ANP32B: variants seen among roughly 807,000 people sequenced by gnomAD.
The protein encoded by ANP32B is acidic nuclear phosphoprotein 32 family member B.
A neutral mutation model predicts 32.2 loss-of-function variants in ANP32B; 6 were observed. The observed-to-expected ratio is 0.19, with a 90% CI of 0.10 to 0.37. ANP32B has a LOEUF of 0.37. ANP32B is among the 10% of genes least tolerant of loss of function. The pLI, the probability that ANP32B is intolerant of heterozygous loss-of-function variation, is 1.00. For missense variants in ANP32B, 204 were observed against 289.2 expected (o/e 0.71, Z 2.14); for synonymous variants, 98 against 105.8 (o/e 0.93, Z 0.45).
intron 3 of ANP32B, among the ~76,000 whole-genome samples, chr9:97,999,577 G>T (rs1827956930): frequency 6.6e-6 from 1 of 152,210 alleles, no homozygotes; most frequent in African/African-American, 2.4e-5. Flanking sequence ...TTGTAGACTT[G>T]ATGTGTGACC....
rs550541762 is a variant in ANP32B at position 97,988,307 on chromosome 9, TC to T, written c.54+4700del. 1.6e-3 allele frequency among the ~76,000 whole-genome samples: 239 copies of T among 152,320 alleles called. 2 individuals are homozygous for T. Among genetic ancestry groups the T allele is most frequent in the South Asian group, 0.011 (51 of 4,826 alleles). On this transcript the variant is annotated intron_variant, in intron 1 of 6. Transcript: ENST00000339399. ...AGCATCTTATAATGTGATTTTTTTTTCCATCTGCCAGATTGCTTTTCAGAAT... is the reference window on the plus strand; with the variant it reads ...AGCATCTTATAATGTGATTTTTTTTTCATCTGCCAGATTGCTTTTCAGAAT...
intron 4 of ANP32B, among the ~76,000 whole-genome samples, chr9:98,010,502 T>TCA (rs1444995761): frequency 3.3e-5 from 5 of 152,128 alleles, no homozygotes; most frequent in Admixed American, 6.5e-5. Flanking sequence ...CACCACATAC[T>TCA]CATGGTGAGA....
chr9:98,005,136 A>G lies in ANP32B; in HGVS notation c.500A>G (p.Glu167Gly), dbSNP rs2131589162. 6.2e-7 allele frequency: 1 copy of G among 1,613,520 alleles called. No homozygotes were observed. Among genetic ancestry groups the G allele is most frequent in the Non-Finnish European group, 8.5e-7 (1 of 1,179,820 alleles). ...GATGCCGAGGTGGATGGTGTGGATG[A>G]AGAGGAGGAGGACGAAGGTGAGTAG... ...DSDAEVDGVD[E>G]EEEDEEGEDE... Residue 167 changes from glutamate (E) to glycine (G), a missense_variant, in exon 4 of 7, where the codon GAA becomes GGA. Glu to Gly is a moderately conservative substitution (Grantham distance 98, BLOSUM62 -2). Coordinates refer to ENST00000339399, the MANE Select transcript of ANP32B (RefSeq NM_006401.3).
At chr9:98,012,308 T>C in intron 5 of ANP32B, 113 bp from the exon 6 acceptor site, 2 of 1,217,838 alleles carry the variant, frequency 1.6e-6, no homozygotes, top group Non-Finnish European at 2.3e-6. Flanking sequence ...AGTTTCCTGC[T>C]TGATTGATAT....
At chr9:97,984,880 C>G (rs1278700057) in intron 1 of ANP32B, among the ~76,000 whole-genome samples, 1 of 150,496 alleles carries the variant, frequency 6.6e-6, no homozygotes, top group Non-Finnish European at 1.5e-5. Context: ...CGGCTCGGCT[C>G]GTGGGCCGGG....
At chr9:97,988,017 A>G (rs1413337535) in intron 1 of ANP32B, among the ~76,000 whole-genome samples, 5 of 152,238 alleles carry the variant, frequency 3.3e-5, no homozygotes, top group African/African-American at 1.2e-4. Context: ...GAAGATAGAC[A>G]TCATACATGC....
intron 6 of ANP32B, 91 bp downstream of exon 6, chr9:98,012,563 T>TAA: frequency 6.5e-7 from 1 of 1,543,588 alleles, no homozygotes; most frequent in African/African-American, 1.4e-5. Flanking sequence ...GAGAAGAAAA[T>TAA]AAAATACTCT....
intron 1 of ANP32B, among the ~76,000 whole-genome samples, chr9:97,985,156 C>T (rs926535927): frequency 8.6e-5 from 13 of 151,672 alleles, no homozygotes; most frequent in African/African-American, 2.9e-4. Context: ...AGGGCGGCCC[C>T]GCGGGGCCTC....
At chr9:97,996,282 T>C (rs1334571506) in intron 2 of ANP32B, among the ~76,000 whole-genome samples, 1 of 152,210 alleles carries the variant, frequency 6.6e-6, no homozygotes, top group Non-Finnish European at 1.5e-5. Flanking sequence ...CCCAAATTAC[T>C]GTTGGTCTCT....
intron 2 of ANP32B, among the ~76,000 whole-genome samples, chr9:97,995,961 A>G (rs932912640): frequency 1.3e-5 from 2 of 151,050 alleles, no homozygotes; most frequent in African/African-American, 2.4e-5. Flanking sequence ...AGTATAATAC[A>G]TGAATTAAAA....
intron 6 of ANP32B, among the ~76,000 whole-genome samples, chr9:98,012,868 C>G (rs1828211820): frequency 1.3e-5 from 2 of 151,974 alleles, no homozygotes; most frequent in Non-Finnish European, 2.9e-5. Context: ...GTAGCTGGGG[C>G]TACAGGCGCC....
chr9:97,986,861 A>C (rs1045520291), intron 1 of ANP32B: 1 of 152,248 alleles, frequency 6.6e-6, no homozygotes, highest in Non-Finnish European at 1.5e-5. Context: ...ATGATTTTAA[A>C]GTCAAGTGAG....
At chr9:97,989,947 A>G (rs1466617959) in intron 1 of ANP32B, among the ~76,000 whole-genome samples, 1 of 152,224 alleles carries the variant, frequency 6.6e-6, no homozygotes, top group Non-Finnish European at 1.5e-5. Context: ...GGCTGACATA[A>G]ATTCTCCCTT....
chr9:98,004,337 G>A (rs1298038538), intron 3 of ANP32B, among the ~76,000 whole-genome samples: 1 of 152,132 alleles, frequency 6.6e-6, no homozygotes, highest in Non-Finnish European at 1.5e-5. Flanking sequence ...TACTAAAAAA[G>A]AAGAGTGCAA....
At position 97,998,660 on chromosome 9, in the gene ANP32B, C is replaced by T. The variant is rs535530800; in HGVS notation, c.309C>T (p.Ile103=). The change falls in exon 3 of 7, where the codon ATC becomes ATT. Residue 103 remains isoleucine, a synonymous_variant. Transcript: ENST00000339399. ...LNLSGNKLKD[I]STLEPLKKLE... ...TAAGTGGAAATAAACTGAAAGATAT[C>T]AGCACCTTGGAACCTTTGGTAAGTA... The T allele has an allele frequency of 6.2e-7, 1 of 1,604,470 alleles. No homozygotes were observed. The highest frequency in any genetic ancestry group is 8.5e-7 in the Non-Finnish European group (1 of 1,176,662).
At chr9:97,990,821 T>TTTC (rs989458650) in intron 1 of ANP32B, among the ~76,000 whole-genome samples, 7 of 145,976 alleles carry the variant, frequency 4.8e-5, no homozygotes, top group Admixed American at 1.4e-4. Context: ...AACCTTTTTT[T>TTTC]TTTTTTTTTT....
chr9:98,006,515 G>C (rs938807552), intron 4 of ANP32B, among the ~76,000 whole-genome samples: 10 of 152,176 alleles, frequency 6.6e-5, no homozygotes, highest in African/African-American at 2.4e-4. Context: ...TGAGAAGGGG[G>C]AAAGACCCAA....
intron 1 of ANP32B, among the ~76,000 whole-genome samples, chr9:97,987,007 T>C (rs1480112904): frequency 1.3e-5 from 2 of 152,196 alleles, no homozygotes; most frequent in Admixed American, 6.5e-5. Flanking sequence ...AGTAACACTT[T>C]TGTTCAGTTG....
At chr9:97,984,897 C>T (rs1420445133) in intron 1 of ANP32B, among the ~76,000 whole-genome samples, 1 of 151,096 alleles carries the variant, frequency 6.6e-6, no homozygotes, top group Non-Finnish European at 1.5e-5. Flanking sequence ...CGGGCGGCCT[C>T]TGGCCTCCCA....
Sources: allele counts gnomAD v4.1 joint callset (sites outside exome capture counted in the v4.1 genomes callset), GRCh38; gene constraint gnomAD v4.1.1; transcripts MANE v1.5; gene names NCBI Gene and HGNC (gene_info 2026-07-23, HGNC 2026-07-21).